The following XRN1 variants were observed in gnomAD, a reference collection of about 807,000 sequenced individuals.
XRN1 encodes 5'-3' exoribonuclease 1.
A neutral mutation model predicts 222.3 loss-of-function variants in XRN1; 67 were observed. That is an observed-to-expected ratio of 0.30 (90% CI 0.25 to 0.37). The LOEUF is 0.37. Ranked by LOEUF, XRN1 falls within the 10% of genes least tolerant of loss-of-function variation. The pLI is 1.00. For synonymous variants in XRN1, 643 were observed against 652.4 expected (o/e 0.99, Z 0.22); for missense variants, 1,707 against 2,000.2 (o/e 0.85, Z 2.80).
At chr3:142,350,290 G>A (rs1330107086) in intron 32 of XRN1, among the ~76,000 whole-genome samples, 1 of 152,058 alleles carries the variant, frequency 6.6e-6, no homozygotes. Flanking sequence ...AGGGAAATAA[G>A]CCTCTCTCTG....
At chr3:142,390,396 T>C (rs2067671315) in intron 20 of XRN1, among the ~76,000 whole-genome samples, 1 of 152,238 alleles carries the variant, frequency 6.6e-6, no homozygotes, top group East Asian at 1.9e-4. Context: ...GATGACTCAC[T>C]ACAGCTTCTA....
intron 20 of XRN1, among the ~76,000 whole-genome samples, chr3:142,392,163 C>T (rs987488670): frequency 2.0e-5 from 3 of 152,100 alleles, no homozygotes; most frequent in Non-Finnish European, 2.9e-5. Context: ...ATTCTCCTTA[C>T]AGCCCACTGA....
chr3:142,433,209 G>A (rs1054998007), intron 1 of XRN1, among the ~76,000 whole-genome samples: 3 of 152,000 alleles, frequency 2.0e-5, no homozygotes, highest in Non-Finnish European at 4.4e-5. Flanking sequence ...TATTAGTTTC[G>A]TTCCTTCCTA....
intron 15 of XRN1, among the ~76,000 whole-genome samples, chr3:142,410,096 T>C (rs1246680266): frequency 6.6e-6 from 1 of 152,186 alleles, no homozygotes; most frequent in Non-Finnish European, 1.5e-5. Context: ...TAAAAACAAT[T>C]TTACTTATTT....
chr3:142,433,190 T>C (rs114322895), intron 1 of XRN1, among the ~76,000 whole-genome samples: 1,631 of 152,312 alleles, frequency 0.011, 22 homozygotes, highest in African/African-American at 0.036. Context: ...GTTCATTTGG[T>C]ACTCAAAATA....
At chr3:142,374,554 A>G (rs1020808973) in intron 25 of XRN1, among the ~76,000 whole-genome samples, 1 of 152,340 alleles carries the variant, frequency 6.6e-6, no homozygotes, top group East Asian at 1.9e-4. Flanking sequence ...TACAGATTTA[A>G]TAAAAAATCT....
chr3:142,421,962 G>C (rs1184423691), intron 8 of XRN1, among the ~76,000 whole-genome samples: 4 of 152,134 alleles, frequency 2.6e-5, no homozygotes. Context: ...ACACTGTGAT[G>C]CATATCCATT....
At chr3:142,315,046 T>C (rs2065176003) in intron 39 of XRN1, among the ~76,000 whole-genome samples, 1 of 142,172 alleles carries the variant, frequency 7.0e-6, no homozygotes, top group South Asian at 2.5e-4. Flanking sequence ...CTGATCCTCC[T>C]GCCTCAACCT....
intron 33 of XRN1, among the ~76,000 whole-genome samples, chr3:142,344,417 T>C (rs1377326494): frequency 6.6e-6 from 1 of 152,118 alleles, no homozygotes; most frequent in East Asian, 1.9e-4. Flanking sequence ...CAAGGATGCA[T>C]GTTCTCACCA....
chr3:142,313,203 C>T (rs2065123398), intron 39 of XRN1: 1 of 1,608,222 alleles, frequency 6.2e-7, no homozygotes, highest in Non-Finnish European at 8.5e-7. Flanking sequence ...ACCTCAAGTC[C>T]TGAAATCTCA....
intron 20 of XRN1, among the ~76,000 whole-genome samples, chr3:142,392,247 TCTACCCACC>T (rs1443647370): frequency 6.6e-6 from 1 of 152,100 alleles, no homozygotes; most frequent in African/African-American, 2.4e-5. Context: ...ACATGTATGA[TCTACCCACC>T]ACTGTAACTC....
chr3:142,412,015 G>A (rs1320731429), intron 15 of XRN1, among the ~76,000 whole-genome samples: 1 of 151,726 alleles, frequency 6.6e-6, no homozygotes, highest in African/African-American at 2.4e-5. Context: ...TAGTAGAGAC[G>A]GGGTTTCACT....
chr3:142,322,638 G>A (rs763696879), intron 37 of XRN1, among the ~76,000 whole-genome samples: 1 of 151,948 alleles, frequency 6.6e-6, no homozygotes, highest in Non-Finnish European at 1.5e-5. Flanking sequence ...TCGTGCCACC[G>A]CACTCTAGCC....
chr3:142,412,586 T>C lies in XRN1; in HGVS notation c.1671A>G (p.Gln557=). The change falls in exon 15 of 41, where the codon CAA becomes CAG. Residue 557 remains glutamine, a synonymous_variant. Coordinates refer to ENST00000392981, the MANE Select transcript of XRN1 (RefSeq NM_001282857.2). The part of the protein sequence containing the change: ...PDFKTDLNGK[Q]QEWEAVVLIP... ...TTAACACCACAGCTTCCCATTCCTG[T>C]TGTTTCCCATTTAGGTCAGTTTTAA... 6.2e-7 allele frequency: 1 copy of C among 1,608,556 alleles called. No homozygotes were observed. The highest frequency in any genetic ancestry group is 8.5e-7 in the Non-Finnish European group (1 of 1,176,310).
intron 23 of XRN1, among the ~76,000 whole-genome samples, chr3:142,378,140 A>G (rs954986168): frequency 2.0e-5 from 3 of 152,244 alleles, no homozygotes; most frequent in Non-Finnish European, 2.9e-5. Context: ...TTATCCAACC[A>G]ATCAATAAGA....
chr3:142,357,266 A>G, intron 30 of XRN1, 147 bp from the exon 31 acceptor site: 2 of 708,238 alleles, frequency 2.8e-6, no homozygotes, highest in Non-Finnish European at 4.7e-6. Flanking sequence ...AAATCACAGC[A>G]ATAGCTCAAT....
intron 24 of XRN1, 168 bp from the exon 25 acceptor site, chr3:142,376,112 C>T (rs1261608733): frequency 8.1e-7 from 1 of 1,233,982 alleles, no homozygotes. Flanking sequence ...TCCAAAGTAG[C>T]AGTAATTGAA....
At chr3:142,315,065 G>C in intron 39 of XRN1, among the ~76,000 whole-genome samples, 1 of 147,078 alleles carries the variant, frequency 6.8e-6, no homozygotes, top group East Asian at 2.1e-4. Context: ...CTCCTGAATA[G>C]CTGGAACTAC....
rs777360214 is a variant in XRN1 at position 142,397,315 on chromosome 3, T to C, written c.2339+14A>G. On this transcript the variant is annotated intron_variant, in intron 20 of 40. Coordinates refer to ENST00000392981, the MANE Select transcript of XRN1 (RefSeq NM_001282857.2). ...TTTAGTTCCATGATATTAAATACTT[T>C]TAACGATACTCACTGTTCTGAAATT... is the stretch of plus-strand genomic sequence containing the variant. The C allele has an allele frequency of 1.9e-6, 3 of 1,564,758 alleles. No homozygotes were observed. Among genetic ancestry groups the C allele is most frequent in the East Asian group, 2.3e-5 (1 of 43,898 alleles).
Sources: gnomAD v4.1 joint callset for allele counts (sites outside exome capture counted in the v4.1 genomes callset) on GRCh38, gnomAD v4.1.1 for gene constraint, MANE v1.5 for transcripts, NCBI Gene and HGNC (gene_info 2026-07-23, HGNC 2026-07-21) for gene names.